Variants in POU2F2 observed in about 807,000 individuals in gnomAD.
POU2F2 encodes POU class 2 homeobox 2.
A neutral mutation model predicts 63.5 loss-of-function variants in POU2F2; 14 were observed. The ratio of observed to expected loss-of-function variants is 0.22; its 90% CI spans 0.15 to 0.34. The LOEUF is 0.34. Ranked by LOEUF, POU2F2 falls within the 10% of genes least tolerant of loss-of-function variation. POU2F2 has a pLI of 1.00. For synonymous variants in POU2F2, 306 were observed against 348.6 expected, an observed-to-expected ratio of 0.88 and a Z score of 1.36; for missense variants, 607 against 815.2, an observed-to-expected ratio of 0.74 and a Z score of 3.11.
intron 1 of POU2F2, among the ~76,000 whole-genome samples, chr19:42,192,119 T>C (rs1009263411): frequency 2.0e-5 from 3 of 152,088 alleles, no homozygotes; most frequent in African/African-American, 7.2e-5. Flanking sequence ...TAAAGTGGGA[T>C]GAAGGTCACC....
rs2076587188 is a variant in POU2F2 at position 42,087,539 on chromosome 19, A to AC, written c.*3717dup. On this transcript the variant is annotated 3_prime_UTR_variant, in exon 15 of 15. Coordinates refer to ENST00000692977, the MANE Select transcript of POU2F2 (RefSeq NM_001394376.1). ...CATCCCTACCCACCCCCACACACAC[A>AC]CCCACCCCACCCCCCAGAAGAGAAC... 1 of 47,178 alleles carries AC rather than the reference A, an allele frequency of 2.1e-5. No homozygotes were observed. The highest frequency in any genetic ancestry group is 4.1e-5 in the Non-Finnish European group (1 of 24,524). 2.9% of individuals were successfully genotyped at this position (47,178 alleles called of 1,614,324 possible). A position where few individuals can be genotyped will look rare whatever the true frequency, so the allele number is the denominator to read the frequency against.
chr19:42,123,619 C>T (rs1012014035), intron 1 of POU2F2, among the ~76,000 whole-genome samples: 1 of 152,156 alleles, frequency 6.6e-6, no homozygotes, highest in Non-Finnish European at 1.5e-5. Flanking sequence ...CCTGATTGGA[C>T]CCCTGGTCTT....
chr19:42,118,341 T>C (rs2032181694), intron 4 of POU2F2, among the ~76,000 whole-genome samples: 1 of 152,124 alleles, frequency 6.6e-6, no homozygotes, highest in Non-Finnish European at 1.5e-5. Context: ...CTTACAGAAA[T>C]GGGCACAAAT....
At chr19:42,143,606 G>T (rs1210236039) in intron 2 of POU2F2, among the ~76,000 whole-genome samples, 1 of 152,162 alleles carries the variant, frequency 6.6e-6, no homozygotes, top group East Asian at 1.9e-4. Flanking sequence ...CCAGCAAAGC[G>T]AGCCAGCTTC....
chr19:42,145,737 C>T (rs1426431526), intron 2 of POU2F2, among the ~76,000 whole-genome samples: 2 of 152,184 alleles, frequency 1.3e-5, no homozygotes, highest in African/African-American at 4.8e-5. Context: ...GAGTTCGAGA[C>T]CAGCCTGACC....
At chr19:42,141,244 G>C (rs897809401) in intron 2 of POU2F2, among the ~76,000 whole-genome samples, 2 of 152,226 alleles carry the variant, frequency 1.3e-5, no homozygotes, top group African/African-American at 4.8e-5. Flanking sequence ...GCATTTAGCT[G>C]AGGCTCCAGG....
At chr19:42,187,996 TC>T (rs1406902788) in intron 1 of POU2F2, among the ~76,000 whole-genome samples, 1 of 151,956 alleles carries the variant, frequency 6.6e-6, no homozygotes, top group Non-Finnish European at 1.5e-5. Flanking sequence ...ATTCTATATT[TC>T]ATTTCAAAAG....
upstream of POU2F2, among the ~76,000 whole-genome samples, chr19:42,178,120 AAT>A (rs1334217223): frequency 6.6e-6 from 1 of 152,024 alleles, no homozygotes; most frequent in Non-Finnish European, 1.5e-5. Flanking sequence ...GACACACAGA[AAT>A]ATAGAGACAC....
At chr19:42,164,088 A>G (rs1421429073) in intron 1 of POU2F2, among the ~76,000 whole-genome samples, 1 of 152,160 alleles carries the variant, frequency 6.6e-6, no homozygotes, top group Non-Finnish European at 1.5e-5. Flanking sequence ...CAGAATTCTG[A>G]GTTTGGACCA....
chr19:42,181,680 G>A (rs1000745150), intron 1 of POU2F2, among the ~76,000 whole-genome samples: 3 of 151,876 alleles, frequency 2.0e-5, no homozygotes, highest in Admixed American at 6.6e-5. Context: ...TCTGCCTCCC[G>A]GGTTCAAGCT....
At chr19:42,110,634 T>C (rs1017950233) in intron 5 of POU2F2, 16 of 434,200 alleles carry the variant, frequency 3.7e-5, no homozygotes, top group Admixed American at 3.4e-4. Context: ...CAAGTTGTTA[T>C]GGAGAGACCT....
chr19:42,099,244 G>T (rs2077037312), intron 7 of POU2F2: 2 of 372,276 alleles, frequency 5.4e-6, no homozygotes, highest in Non-Finnish European at 5.0e-6. Context: ...GCATTTTGGG[G>T]GAATGGGGAT....
In POU2F2 at chr19:42,117,806, C is replaced by T. The variant is rs1363301232; in HGVS notation, c.187-374G>A. Among the ~76,000 whole-genome samples the T allele has an allele frequency of 1.3e-5, 2 of 151,606 alleles. No homozygotes were observed. Among genetic ancestry groups the T allele is most frequent in the African/African-American group, 4.8e-5 (2 of 41,266 alleles). ...ACCAGCCTGGCCAACATGGTGAAACCCCATTTCTGAAAAAAAAAAAGGAAA... is the reference window on the plus strand; with the variant it reads ...ACCAGCCTGGCCAACATGGTGAAACTCCATTTCTGAAAAAAAAAAAGGAAA... On this transcript the variant is annotated intron_variant, in intron 4 of 14. Coordinates refer to ENST00000692977, the MANE Select transcript of POU2F2 (RefSeq NM_001394376.1). This position sits in a 1 kb window ranked among gnomAD's most constrained non-coding sequence, Gnocchi z 4.4.
intron 5 of POU2F2, chr19:42,116,863 G>A: frequency 2.3e-6 from 1 of 439,936 alleles, no homozygotes; most frequent in South Asian, 1.7e-5. Context: ...GGAGGAAGTA[G>A]AGGAGGAGGC....
chr19:42,171,699 CAT>C (rs1491258398), intron 1 of POU2F2, among the ~76,000 whole-genome samples: 1 of 152,172 alleles, frequency 6.6e-6, no homozygotes, highest in Non-Finnish European at 1.5e-5. Context: ...GTGAATGCCA[CAT>C]GAGTCTGCAC....
In POU2F2 at chr19:42,152,299, GA is replaced by G. The variant is rs1297153299; in HGVS notation, c.-9+8032del. ...GGGAGAGGGCCGCAGCGAAGAAGAA[GA>G]GGGGGAGAATAAGGCGGGCCTCTTT... On this transcript the variant is annotated intron_variant, in intron 2 of 6. Coordinates refer to the POU2F2 transcript ENST00000524801. The surrounding 1 kb of genome is among the most constrained non-coding windows in gnomAD (Gnocchi z 4.1). Among the ~76,000 whole-genome samples the G allele has an allele frequency of 6.6e-6, 1 of 152,170 alleles. No individual in the cohort carries two copies. The highest frequency in any genetic ancestry group is 1.5e-5 in the Non-Finnish European group (1 of 68,010).
rs909388756 is a variant in POU2F2 at position 42,086,339 on chromosome 19, A to T, written c.*4918T>A. ...AACACAGGGGTCAGACGGAACTGAA[A>T]GGGAGGCTAACTTGGTAAGGATGGA... On this transcript the variant is annotated 3_prime_UTR_variant, in exon 15 of 15. Transcript: ENST00000692977. 6.6e-6 allele frequency: 1 copy of T among 152,166 alleles called. No individual in the cohort carries two copies. The highest frequency in any genetic ancestry group is 1.5e-5 in the Non-Finnish European group (1 of 68,046). 9.4% of individuals were successfully genotyped at this position (152,166 alleles called of 1,614,324 possible).
rs1378525296 is a variant in POU2F2 at position 42,155,445 on chromosome 19, A to G, written c.-9+4887T>C. On this transcript the variant is annotated intron_variant, in intron 2 of 6. Coordinates refer to the POU2F2 transcript ENST00000524801. The surrounding 1 kb of genome is among the most constrained non-coding windows in gnomAD (Gnocchi z 4.2). The stretch of plus-strand genomic sequence containing the variant: ...ATTCTGGATTCCCCTTTCTTAGACA[A>G]TCCCTCTGGCCCTCCTATCCACCTC... Among the ~76,000 whole-genome samples the G allele has an allele frequency of 6.6e-6, 1 of 151,812 alleles. No homozygotes were observed. The highest frequency in any genetic ancestry group is 1.5e-5 in the Non-Finnish European group (1 of 67,978).
chr19:42,122,711 T>G, intron 1 of POU2F2, 135 bp from the exon 2 acceptor site: 9 of 770,376 alleles, frequency 1.2e-5, no homozygotes, highest in Non-Finnish European at 1.8e-5. Flanking sequence ...GAAGTGTCTC[T>G]TCCCAAGAGA....
Sources: gnomAD v4.1 joint callset for allele counts (sites outside exome capture counted in the v4.1 genomes callset) on GRCh38, gnomAD v4.1.1 for gene constraint, Gnocchi (gnomAD v3.1) non-coding constraint, MANE v1.5 for transcripts, NCBI Gene and HGNC (gene_info 2026-07-23, HGNC 2026-07-21) for gene names.